Variants in ZMAT1 observed in about 807,000 individuals in gnomAD.
ZMAT1 encodes the protein zinc finger matrin-type 1, also known as zinc finger matrin-type protein 1.
A neutral mutation model predicts 18.5 loss-of-function variants in ZMAT1; 11 were observed. The observed-to-expected ratio is 0.59, with a 90% CI of 0.37 to 0.98. The LOEUF (loss-of-function observed/expected upper bound fraction) is 0.98, where lower values mean the gene tolerates loss of function less well. Among genes scored for constraint, ZMAT1 ranks in the 50% least tolerant of loss-of-function variants. The pLI, the probability that ZMAT1 is intolerant of heterozygous loss-of-function variation, is 0.01. For missense variants in ZMAT1, 525 were observed against 496.2 expected (o/e 1.06, Z -0.55); for synonymous variants, 211 against 176.4 (o/e 1.20, Z -1.55).
intron 1 of ZMAT1, chrX:101,911,768 G>A (rs1928983469): frequency 1.7e-6 from 2 of 1,207,801 alleles, no homozygotes; most frequent in Non-Finnish European, 2.2e-6. Context: ...GTGTGGCAGA[G>A]CCTTCGGCCA....
intron 1 of ZMAT1, among the ~76,000 whole-genome samples, chrX:101,906,089 C>T (rs1212244702): frequency 9.0e-6 from 1 of 110,797 alleles, no homozygotes; most frequent in Non-Finnish European, 1.9e-5. Flanking sequence ...TTAATTCCAA[C>T]TCCAAAACTG....
intron 1 of ZMAT1, among the ~76,000 whole-genome samples, chrX:101,920,727 C>T (rs1375398463): frequency 8.9e-6 from 1 of 112,120 alleles, no homozygotes; most frequent in Non-Finnish European, 1.9e-5. Context: ...GGAACAAATC[C>T]TAATGTAAAA....
Position 101,887,490 on chromosome X carries a change from T to C in ZMAT1, c.677-759A>G, listed in dbSNP as rs182111171. The C allele has an allele frequency of 2.4e-4, 28 of 115,138 alleles. No homozygotes were observed. The East Asian group carries it at 7.3e-3, about 30-fold the overall frequency. 9.5% of individuals were successfully genotyped at this position (115,138 alleles called of 1,213,427 possible). ...AGAAGAAGCAAATTAATACATTTCATAAGCCAAATATAAAATCATTCTGAC... is the reference window on the plus strand; with the variant it reads ...AGAAGAAGCAAATTAATACATTTCACAAGCCAAATATAAAATCATTCTGAC... On this transcript the variant is annotated intron_variant, in intron 4 of 5. Coordinates refer to ENST00000651725, the MANE Select transcript of ZMAT1 (RefSeq NM_001394560.1).
intron 1 of ZMAT1, among the ~76,000 whole-genome samples, chrX:101,923,118 AT>A (rs1211290803): frequency 8.9e-6 from 1 of 112,124 alleles, no homozygotes; most frequent in East Asian, 2.8e-4. Context: ...ACTTGGGGGC[AT>A]CTTCCTCTCT....
chrX:101,913,966 C>A (rs1411838986), intron 1 of ZMAT1, among the ~76,000 whole-genome samples: 3 of 111,655 alleles, frequency 2.7e-5, no homozygotes, highest in Non-Finnish European at 1.9e-5. Context: ...TTAAAACTCT[C>A]AAAAAACTGA....
At position 101,931,514 on chromosome X, in the gene ZMAT1, T is replaced by C. The variant is rs1450855175; in HGVS notation, c.292+203A>G. 9 of 746,028 alleles carry C rather than the reference T, an allele frequency of 1.2e-5. No individual in the cohort carries two copies. The African/African-American group carries it at 2.2e-4, about 18-fold the overall frequency. 61.5% of individuals were successfully genotyped at this position (746,028 alleles called of 1,213,427 possible). A position where few individuals can be genotyped will look rare whatever the true frequency, so the allele number is the denominator to read the frequency against. ...CCCCATCCTTTACAGGTGGGAGAGG[T>C]AGGGAAGGCCCTCTCTGCTTCAGTC... On this transcript the variant is annotated intron_variant, in intron 1 of 5. Transcript: ENST00000651725.
chrX:101,925,117 G>C lies in ZMAT1; in HGVS notation c.292+6600C>G, dbSNP rs1929977266. 5.3e-5 allele frequency among the ~76,000 whole-genome samples: 6 copies of C among 112,451 alleles called. No individual in the cohort carries two copies. The South Asian group carries it at 2.2e-3, about 41-fold the overall frequency. Reference sequence around the variant, plus strand: ...CCCTGCAGAGTCAACCTGCTGCTCAGAGGAAACTGCATGAGCAAGTGATGG... The same window carrying C: ...CCCTGCAGAGTCAACCTGCTGCTCACAGGAAACTGCATGAGCAAGTGATGG... On this transcript the variant is annotated intron_variant, in intron 1 of 5. Transcript: ENST00000651725.
intron 4 of ZMAT1, among the ~76,000 whole-genome samples, chrX:101,892,161 T>C (rs768836251): frequency 9.0e-6 from 1 of 110,998 alleles, no homozygotes; most frequent in East Asian, 2.9e-4. Context: ...ACAGATTAAG[T>C]AGGACTAAAG....
At chrX:101,911,501 T>C in intron 1 of ZMAT1, 2 of 817,089 alleles carry the variant, frequency 2.4e-6, no homozygotes, top group Non-Finnish European at 3.5e-6. Flanking sequence ...CAGTAAGATA[T>C]AAGTAAAAAC....
At chrX:101,891,339 G>A (rs1199855269) in intron 4 of ZMAT1, among the ~76,000 whole-genome samples, 1 of 111,676 alleles carries the variant, frequency 9.0e-6, no homozygotes, top group African/African-American at 3.3e-5. Flanking sequence ...AACTGAAATT[G>A]GAACTTCAGA....
chrX:101,901,768 T>C (rs965112590), intron 2 of ZMAT1, among the ~76,000 whole-genome samples: 2 of 111,913 alleles, frequency 1.8e-5, no homozygotes, highest in African/African-American at 6.5e-5. Flanking sequence ...AGTGGAATCA[T>C]TTGATACATA....
intron 1 of ZMAT1, among the ~76,000 whole-genome samples, chrX:101,922,764 G>A (rs1347102303): frequency 1.8e-5 from 2 of 110,739 alleles, no homozygotes; most frequent in South Asian, 3.8e-4. Context: ...TGTTTCTTTC[G>A]ATCCACCCGA....
chrX:101,923,637 C>T (rs1238486161), intron 1 of ZMAT1, among the ~76,000 whole-genome samples: 1 of 111,708 alleles, frequency 9.0e-6, no homozygotes, highest in Admixed American at 9.5e-5. Flanking sequence ...TGGTTCTCTC[C>T]AAAATATCTC....
intron 1 of ZMAT1, among the ~76,000 whole-genome samples, chrX:101,929,455 A>ATAT (rs1930328808): frequency 2.3e-5 from 2 of 87,551 alleles, no homozygotes; most frequent in African/African-American, 9.9e-5. Flanking sequence ...ATATATATAT[A>ATAT]TACACACAGA....
chrX:101,927,945 A>G (rs187236250), intron 1 of ZMAT1, among the ~76,000 whole-genome samples: 165 of 112,323 alleles, frequency 1.5e-3, no homozygotes, highest in Non-Finnish European at 2.9e-3. Flanking sequence ...CAAACGAACA[A>G]ATAATAATTT....
intron 1 of ZMAT1, chrX:101,912,133 A>G: frequency 1.1e-6 from 1 of 873,444 alleles, no homozygotes; most frequent in Non-Finnish European, 1.6e-6. Context: ...ATCCTTTTCT[A>G]GATTTGACTC....
chrX:101,907,656 T>C (rs1291485896), intron 1 of ZMAT1, among the ~76,000 whole-genome samples: 1 of 111,807 alleles, frequency 8.9e-6, no homozygotes, highest in Non-Finnish European at 1.9e-5. Context: ...TTCAAAAAAA[T>C]AGAGAATTTA....
At chrX:101,893,648 T>C (rs1422646550) in intron 4 of ZMAT1, among the ~76,000 whole-genome samples, 1 of 111,876 alleles carries the variant, frequency 8.9e-6, no homozygotes, top group African/African-American at 3.2e-5. Flanking sequence ...GAAATATAGA[T>C]GAATTAGATG....
In ZMAT1 at chrX:101,931,913, G is replaced by A; in HGVS notation, c.96C>T (p.Ala32=). 1.2e-6 allele frequency: 1 copy of A among 800,310 alleles called. No homozygotes were observed. The highest frequency in any genetic ancestry group is 1.5e-6 in the Non-Finnish European group (1 of 671,890). The allele number at this position is 800,310 out of a possible 1,213,427, so 66.0% of individuals were successfully genotyped here. A position where few individuals can be genotyped will look rare whatever the true frequency, so the allele number is the denominator to read the frequency against. The change falls in exon 1 of 6, where the codon GCC becomes GCT. Residue 32 remains alanine, a synonymous_variant. Coordinates refer to ENST00000651725, the MANE Select transcript of ZMAT1 (RefSeq NM_001394560.1). ...CCGCCGCCGCCGCCGCTGCCGCGCA[G>A]GCGGTGTAGGAGGAGGAGGAGGCGG... is the stretch of plus-strand genomic sequence containing the variant. The part of the protein sequence containing the change: ...VSAASSSSYT[A]CAAAAAAAAA...
Sources: gnomAD v4.1 joint callset for allele counts (sites outside exome capture counted in the v4.1 genomes callset) on GRCh38, gnomAD v4.1.1 for gene constraint, MANE v1.5 for transcripts, NCBI Gene and HGNC (gene_info 2026-07-23, HGNC 2026-07-21) for gene names.